MACROD2: variants seen among roughly 807,000 people sequenced by gnomAD.
MACROD2 encodes the protein mono-ADP ribosylhydrolase 2, also known as ADP-ribose glycohydrolase MACROD2.
A neutral mutation model predicts 70.4 loss-of-function variants in MACROD2; 36 were observed. That is an observed-to-expected ratio of 0.51 (90% CI 0.39 to 0.68). MACROD2 has a LOEUF of 0.68. Ranked by LOEUF, MACROD2 falls within the 30% of genes least tolerant of loss-of-function variation. MACROD2 has a pLI of 0.00. For missense variants in MACROD2, 496 were observed against 538.4 expected, an observed-to-expected ratio of 0.92 and a Z score of 0.78; for synonymous variants, 172 against 178.8, an observed-to-expected ratio of 0.96 and a Z score of 0.30.
At chr20:16,033,468 G>A (rs1244153042) in intron 15 of MACROD2, among the ~76,000 whole-genome samples, 2 of 152,076 alleles carry the variant, frequency 1.3e-5, no homozygotes, top group East Asian at 3.9e-4. Context: ...ATACCCCAGA[G>A]GAGGGATATG....
chr20:14,197,280 T>G (rs1005366814), intron 3 of MACROD2, among the ~76,000 whole-genome samples: 5 of 152,198 alleles, frequency 3.3e-5, no homozygotes, highest in Admixed American at 3.3e-4. Context: ...GTAGCCTGGA[T>G]AATGAAAAAA....
intron 9 of MACROD2, among the ~76,000 whole-genome samples, chr20:15,877,163 A>T (rs1266978452): frequency 1.3e-5 from 2 of 151,918 alleles, no homozygotes; most frequent in Non-Finnish European, 2.9e-5. Flanking sequence ...ATCTGTGTCC[A>T]TCCCAGCCCT....
intron 2 of MACROD2, among the ~76,000 whole-genome samples, chr20:14,058,244 A>G (rs1038991762): frequency 6.6e-6 from 1 of 152,174 alleles, no homozygotes; most frequent in Non-Finnish European, 1.5e-5. Flanking sequence ...TAAGCAAAAA[A>G]TACTGCTTTA....
chr20:15,429,470 T>C (rs1196339066), intron 6 of MACROD2, among the ~76,000 whole-genome samples: 1 of 152,152 alleles, frequency 6.6e-6, no homozygotes, highest in Non-Finnish European at 1.5e-5. Flanking sequence ...AGACATACAG[T>C]TGAGCTTAAC....
chr20:14,579,127 CTTTTTTTT>C (rs71190141), intron 4 of MACROD2, among the ~76,000 whole-genome samples: 3 of 74,356 alleles, frequency 4.0e-5, no homozygotes, highest in Admixed American at 2.2e-4. Flanking sequence ...GTATCCAATT[CTTTTTTTT>C]TTTTTTTTTT....
At chr20:15,289,762 A>G (rs1324253999) in intron 6 of MACROD2, among the ~76,000 whole-genome samples, 2 of 152,146 alleles carry the variant, frequency 1.3e-5, no homozygotes, top group Non-Finnish European at 2.9e-5. Context: ...TGAAAGAGTA[A>G]CCTCCCCAGC....
intron 3 of MACROD2, among the ~76,000 whole-genome samples, chr20:14,407,477 C>T (rs1194232105): frequency 6.6e-6 from 1 of 152,066 alleles, no homozygotes. Flanking sequence ...TGTGGTCTGA[C>T]TGCTAACATT....
chr20:15,057,012 T>G (rs2075491629), intron 5 of MACROD2, among the ~76,000 whole-genome samples: 1 of 152,178 alleles, frequency 6.6e-6, no homozygotes, highest in Non-Finnish European at 1.5e-5. Context: ...AGAAGCTGTT[T>G]AAGATGATTG....
chr20:14,259,278 A>C (rs1262456484), intron 3 of MACROD2, among the ~76,000 whole-genome samples: 1 of 152,234 alleles, frequency 6.6e-6, no homozygotes, highest in Non-Finnish European at 1.5e-5. Flanking sequence ...GTTTGAAAAA[A>C]ATGAGAAATA....
At chr20:15,522,365 A>G (rs950987838) in intron 8 of MACROD2, among the ~76,000 whole-genome samples, 3 of 152,268 alleles carry the variant, frequency 2.0e-5, no homozygotes, top group Non-Finnish European at 4.4e-5. Context: ...GGAAAAATAG[A>G]GAAATGTACT....
chr20:14,487,394 GA>G (rs1390895215), intron 3 of MACROD2, among the ~76,000 whole-genome samples: 2 of 152,204 alleles, frequency 1.3e-5, no homozygotes, highest in African/African-American at 2.4e-5. Flanking sequence ...TTAAGAAACA[GA>G]AACTCCAAGA....
chr20:15,794,673 T>G (rs1031597554), intron 8 of MACROD2, among the ~76,000 whole-genome samples: 2 of 152,224 alleles, frequency 1.3e-5, no homozygotes, highest in Non-Finnish European at 2.9e-5. Flanking sequence ...ACAAGGTTAA[T>G]ACTCGGAATC....
intron 5 of MACROD2, among the ~76,000 whole-genome samples, chr20:15,133,345 C>A (rs1483338772): frequency 6.6e-6 from 1 of 151,992 alleles, no homozygotes; most frequent in African/African-American, 2.4e-5. Context: ...ACAAAAACAA[C>A]CAACCTCCTA....
chr20:14,961,127 T>A (rs2074579760), intron 5 of MACROD2, among the ~76,000 whole-genome samples: 1 of 152,188 alleles, frequency 6.6e-6, no homozygotes, highest in Admixed American at 6.5e-5. Context: ...AAATCTGTGT[T>A]GTGAAAATGT....
intron 5 of MACROD2, among the ~76,000 whole-genome samples, chr20:14,881,724 G>A (rs1414432144): frequency 6.6e-6 from 1 of 152,090 alleles, no homozygotes; most frequent in African/African-American, 2.4e-5. Flanking sequence ...GAGCACTGTG[G>A]AACATTCCTC....
intron 8 of MACROD2, among the ~76,000 whole-genome samples, chr20:15,590,160 T>C (rs2048658364): frequency 6.6e-6 from 1 of 152,178 alleles, no homozygotes; most frequent in East Asian, 1.9e-4. Flanking sequence ...ATTTGTGTTA[T>C]TAATATTGTT....
intron 3 of MACROD2, among the ~76,000 whole-genome samples, chr20:14,183,960 C>T (rs1012965308): frequency 6.6e-6 from 1 of 152,096 alleles, no homozygotes; most frequent in Non-Finnish European, 1.5e-5. Flanking sequence ...GCATAGTTTG[C>T]AAAAATTTTC....
At chr20:14,323,234 A>G (rs1870144497) in intron 3 of MACROD2, 1 of 152,200 alleles carries the variant, frequency 6.6e-6, no homozygotes, top group Non-Finnish European at 1.5e-5. Flanking sequence ...GTCAGCTTCA[A>G]GTTTGGTTTC....
chr20:15,157,425 G>T (rs1212737112), intron 5 of MACROD2, among the ~76,000 whole-genome samples: 1 of 145,524 alleles, frequency 6.9e-6, no homozygotes, highest in African/African-American at 2.6e-5. Flanking sequence ...CTGGAGCTTT[G>T]ACATATGAAT....
Sources: allele counts gnomAD v4.1 joint callset (sites outside exome capture counted in the v4.1 genomes callset), GRCh38; gene constraint gnomAD v4.1.1; transcripts MANE v1.5; gene names NCBI Gene and HGNC (gene_info 2026-07-23, HGNC 2026-07-21).